CCDC68: variants seen among roughly 807,000 people sequenced by gnomAD.
CCDC68 encodes coiled-coil domain-containing protein 68.
In CCDC68, 45 loss-of-function variants were observed where a neutral mutation model predicts 47.1. The ratio of observed to expected loss-of-function variants is 0.96; its 90% confidence interval spans 0.75 to 1.23. CCDC68 has a LOEUF of 1.23. Among genes scored for constraint, CCDC68 ranks in the 50% most tolerant of loss-of-function variants. The pLI is 0.00. For missense variants in CCDC68, 353 were observed against 373.6 expected, an observed-to-expected ratio of 0.94 and a Z score of 0.45; for synonymous variants, 131 against 129.5, an observed-to-expected ratio of 1.01 and a Z score of -0.08.
In CCDC68 at chr18:54,929,038, T is replaced by A. The variant is rs776657638; in HGVS notation, c.601-156A>T. Among the ~76,000 whole-genome samples the A allele has an allele frequency of 4.6e-5, 7 of 152,262 alleles. 1 individual carries two copies. In the South Asian group the frequency reaches 1.4e-3, roughly 32 times the overall value. ...AAGGAAACCTGGCCAAGTATTCTCCTGTGTGCTTTGCACATAGTTCAACTA... is the reference window on the plus strand; with the variant it reads ...AAGGAAACCTGGCCAAGTATTCTCCAGTGTGCTTTGCACATAGTTCAACTA... On this transcript the variant is annotated intron_variant, in intron 7 of 11. Transcript: ENST00000591504.
At chr18:54,929,044 C>T (rs1361063951) in intron 7 of CCDC68, among the ~76,000 whole-genome samples, 162 bp from the exon 8 acceptor site, 1 of 152,218 alleles carries the variant, frequency 6.6e-6, no homozygotes, top group Admixed American at 6.5e-5. Flanking sequence ...CTCCTGTGTG[C>T]TTTGCACATA....
At chr18:54,910,406 C>T (rs1914289066) in intron 10 of CCDC68, among the ~76,000 whole-genome samples, 1 of 152,216 alleles carries the variant, frequency 6.6e-6, no homozygotes, top group South Asian at 2.1e-4. Flanking sequence ...GTCTGCCCAG[C>T]TCTGGCTAAG....
In CCDC68 at chr18:54,903,307, T is replaced by C. The variant is rs1913787489; in HGVS notation, c.*1051A>G. 6.6e-6 allele frequency: 1 copy of C among 152,202 alleles called. No homozygotes were observed. 9.4% of individuals were successfully genotyped at this position (152,202 alleles called of 1,614,324 possible). On this transcript the variant is annotated 3_prime_UTR_variant, in exon 12 of 12. Transcript: ENST00000591504. ...TCTCTCATTATACATTTAATTGAAGTTTGTTCTTTCCTGACTGTATGTCTG... is the reference window on the plus strand; with the variant it reads ...TCTCTCATTATACATTTAATTGAAGCTTGTTCTTTCCTGACTGTATGTCTG...
chr18:54,958,125 T>G (rs2044744964), intron 1 of CCDC68: 1 of 152,258 alleles, frequency 6.6e-6, no homozygotes, highest in South Asian at 2.1e-4. Context: ...GGAAAGAACC[T>G]TCTTATGACG....
At chr18:54,953,563 GAT>G (rs1568166391) in intron 1 of CCDC68, among the ~76,000 whole-genome samples, 3 of 150,262 alleles carry the variant, frequency 2.0e-5, no homozygotes, top group Non-Finnish European at 3.0e-5. Context: ...GAGAGAGAGA[GAT>G]ACATAGATAG....
chr18:54,936,819 T>C lies in CCDC68; in HGVS notation c.471+14A>G. Reference sequence around the variant, plus strand: ...GGGGCTAGTTCTCCAATAGACAAGCTGCATGTTTGGTACCTGGAGTAATTG... The same window carrying C: ...GGGGCTAGTTCTCCAATAGACAAGCCGCATGTTTGGTACCTGGAGTAATTG... On this transcript the variant is annotated intron_variant, in intron 6 of 11. Coordinates refer to ENST00000591504, the MANE Select transcript of CCDC68 (RefSeq NM_025214.3). The C allele has an allele frequency of 6.2e-7, 1 of 1,614,010 alleles. No individual in the cohort carries two copies. The highest frequency in any genetic ancestry group is 8.5e-7 in the Non-Finnish European group (1 of 1,179,908).
At chr18:54,943,422 G>T (rs975879567) in intron 2 of CCDC68, among the ~76,000 whole-genome samples, 5 of 151,862 alleles carry the variant, frequency 3.3e-5, no homozygotes, top group African/African-American at 4.8e-5. Flanking sequence ...ATGAATGGAA[G>T]GAAGAAATCT....
intron 1 of CCDC68, among the ~76,000 whole-genome samples, chr18:54,950,668 T>C (rs1893802): frequency 1.0e-3 from 157 of 151,676 alleles, no homozygotes; most frequent in African/African-American, 3.7e-3. Flanking sequence ...ATGAAATATT[T>C]GTGTAAACAC....
intron 10 of CCDC68, among the ~76,000 whole-genome samples, chr18:54,912,961 C>T (rs936352760): frequency 5.3e-5 from 8 of 152,178 alleles, no homozygotes; most frequent in African/African-American, 1.9e-4. Flanking sequence ...CCCACAGGGT[C>T]CCTCCCACAA....
intron 10 of CCDC68, among the ~76,000 whole-genome samples, chr18:54,914,760 G>C (rs1192754050): frequency 1.3e-5 from 2 of 151,974 alleles, no homozygotes; most frequent in African/African-American, 4.8e-5. Flanking sequence ...TGAGAGGAGA[G>C]GGACATACGT....
chr18:54,953,213 A>G (rs2044647995), intron 1 of CCDC68, among the ~76,000 whole-genome samples: 1 of 152,210 alleles, frequency 6.6e-6, no homozygotes, highest in Non-Finnish European at 1.5e-5. Flanking sequence ...TAACTACAAA[A>G]GGAACACATA....
chr18:54,956,180 G>T (rs1488694033), intron 1 of CCDC68, among the ~76,000 whole-genome samples: 1 of 152,154 alleles, frequency 6.6e-6, no homozygotes, highest in East Asian at 1.9e-4. Context: ...AGTAGAGATG[G>T]GGTTTCACCA....
At chr18:54,935,604 G>A (rs911496515) in intron 6 of CCDC68, among the ~76,000 whole-genome samples, 11 of 152,128 alleles carry the variant, frequency 7.2e-5, no homozygotes, top group African/African-American at 2.4e-4. Flanking sequence ...CACATTACAG[G>A]GATGCACACT....
intron 2 of CCDC68, among the ~76,000 whole-genome samples, chr18:54,943,855 T>G (rs986914576): frequency 6.6e-6 from 1 of 152,028 alleles, no homozygotes; most frequent in African/African-American, 2.4e-5. Context: ...ACAACAAAAA[T>G]GTTAGGTGAA....
chr18:54,927,063 C>T (rs187631378), intron 8 of CCDC68, among the ~76,000 whole-genome samples: 1,554 of 152,244 alleles, frequency 0.01, 36 homozygotes, highest in African/African-American at 0.035. Flanking sequence ...CTAACAGAAA[C>T]TGTCTTTTTT....
rs746269171 is a variant in CCDC68, at chr18:54,941,055, G to T, written c.146C>A (p.Thr49Asn). 4.1e-5 allele frequency: 66 copies of T among 1,612,252 alleles called. No individual in the cohort carries two copies. Among genetic ancestry groups the T allele is most frequent in the Non-Finnish European group, 5.3e-5 (62 of 1,178,866 alleles). ...TCTTATTTCATCTTTAAACATCTGG[G>T]TCCTGATCTTTTGCAGAGTAGTTCG... ...KIRTTLQKIRTQMFKDEIRHD... is the reference protein window; with the variant it reads ...KIRTTLQKIRNQMFKDEIRHD... Residue 49 changes from threonine to asparagine, a missense_variant, in exon 4 of 12, where the codon ACC (threonine) becomes AAC (asparagine). Transcript: ENST00000591504.
intron 1 of CCDC68, among the ~76,000 whole-genome samples, chr18:54,950,788 G>GTGTATATATATATA (rs994670303): frequency 2.1e-5 from 2 of 97,336 alleles, no homozygotes; most frequent in African/African-American, 7.8e-5. Context: ...TATCTTCAGT[G>GTGTATATATATATA]TATATATATA....
At chr18:54,915,764 A>C (rs2145406486) in intron 10 of CCDC68, among the ~76,000 whole-genome samples, 1 of 152,180 alleles carries the variant, frequency 6.6e-6, no homozygotes, top group African/African-American at 2.4e-5. Context: ...CCCCGTCTCT[A>C]CTAAAAATAC....
At chr18:54,955,054 TTCACA>T in intron 1 of CCDC68, among the ~76,000 whole-genome samples, 1 of 152,250 alleles carries the variant, frequency 6.6e-6, no homozygotes, top group East Asian at 1.9e-4. Context: ...GCCACAGTGG[TTCACA>T]TCTATAATCC....
Sources: gnomAD v4.1 joint callset for allele counts (sites outside exome capture counted in the v4.1 genomes callset) on GRCh38, gnomAD v4.1.1 for gene constraint, MANE v1.5 for transcripts, NCBI Gene and HGNC (gene_info 2026-07-23, HGNC 2026-07-21) for gene names.